Variants in ZFP69 observed in about 807,000 individuals in gnomAD.
ZFP69 encodes the protein zinc finger protein 69 homolog.
A neutral mutation model predicts 48.9 loss-of-function variants in ZFP69; 35 were observed. That is an observed-to-expected ratio of 0.72 (90% CI 0.55 to 0.95). The LOEUF is 0.95. ZFP69 is among the 40% of genes least tolerant of loss of function. The pLI is 0.00. For synonymous variants in ZFP69, 193 were observed against 216.8 expected (o/e 0.89, Z 0.96); for missense variants, 557 against 638.4 (o/e 0.87, Z 1.37).
In ZFP69 at chr1:40,495,605, C is replaced by G; in HGVS notation, c.1127C>G (p.Thr376Ser). 1 of 1,614,202 alleles carries G rather than the reference C, an allele frequency of 6.2e-7. No individual in the cohort carries two copies. Among genetic ancestry groups the G allele is most frequent in the South Asian group, 1.1e-5 (1 of 91,084 alleles). The change falls in exon 6 of 6, where the codon ACT (threonine) becomes AGT (serine). Residue 376 changes from threonine (T) to serine (S), a missense_variant. Transcript: ENST00000372706. The stretch of plus-strand genomic sequence containing the variant: ...ATTAGCTTGGTTCAACATTTGAGGA[C>G]TCATTCTGGAGAGAAACCTTTTACT... ...QNISLVQHLR[T>S]HSGEKPFTCN...
chr1:40,482,042 C>T (rs1347615754), intron 3 of ZFP69, among the ~76,000 whole-genome samples, 188 bp downstream of exon 3: 2 of 151,308 alleles, frequency 1.3e-5, no homozygotes, highest in African/African-American at 4.9e-5. Context: ...AATTCCCCTA[C>T]TTATAGGGGT....
At position 40,494,824 on chromosome 1, in the gene ZFP69, G is replaced by A. The variant is rs1038906876; in HGVS notation, c.443-97G>A. ...AGCAGCATAATCATATTTAAATATA[G>A]TCAAAATCTCATGCACTTATCCATA... On this transcript the variant is annotated intron_variant, in intron 5 of 5. Transcript: ENST00000372706. 5.5e-6 allele frequency: 6 copies of A among 1,082,210 alleles called. No homozygotes were observed. The African/African-American group carries it at 9.6e-5, about 17-fold the overall frequency. The allele number at this position is 1,082,210 out of a possible 1,614,324, so 67.0% of individuals were successfully genotyped here.
chr1:40,479,226 G>T lies in ZFP69; in HGVS notation c.-136G>T. 1 of 1,147,650 alleles carries T rather than the reference G, an allele frequency of 8.7e-7. No individual in the cohort carries two copies. Among genetic ancestry groups the T allele is most frequent in the Non-Finnish European group, 1.3e-6 (1 of 787,940 alleles). The allele number at this position is 1,147,650 out of a possible 1,614,324, so 71.1% of individuals were successfully genotyped here. A position where few individuals can be genotyped will look rare whatever the true frequency, so the allele number is the denominator to read the frequency against. ...AGTCTCTAGGAACCCCCAGGTCCTG[G>T]TGCTGCAGGGACACACCAGAGTCCT... On this transcript the variant is annotated 5_prime_UTR_variant, in exon 2 of 6. Coordinates refer to ENST00000372706, the MANE Select transcript of ZFP69 (RefSeq NM_001320179.2).
rs902993702 is a variant in ZFP69 at position 40,495,479 on chromosome 1, A to G, written c.1001A>G (p.Lys334Arg). Residue 334 changes from lysine to arginine, a missense_variant, in exon 6 of 6, where the codon AAA (lysine) becomes AGA (arginine). Lys to Arg is a conservative substitution (Grantham distance 26). Coordinates refer to ENST00000372706, the MANE Select transcript of ZFP69 (RefSeq NM_001320179.2). ...CCCTTTGAATGTGAGGAATGTGGGA[A>G]AGCCTTCAGACATCGCTCATCACTT... ...EKPFECEECGKAFRHRSSLNQ... is the reference protein window; with the variant it reads ...EKPFECEECGRAFRHRSSLNQ... 4 of 1,614,078 alleles carry G rather than the reference A, an allele frequency of 2.5e-6. No homozygotes were observed. In the African/African-American group the frequency reaches 4.0e-5, roughly 16 times the overall value.
chr1:40,487,690 G>T (rs1557547492), intron 3 of ZFP69, among the ~76,000 whole-genome samples: 1 of 152,160 alleles, frequency 6.6e-6, no homozygotes, highest in Non-Finnish European at 1.5e-5. Context: ...AAAATTCAGT[G>T]TGATGCTAAG....
rs765758813 is a variant in ZFP69, at chr1:40,479,348, G to C, written c.-14G>C. The C allele has an allele frequency of 4.3e-6, 7 of 1,613,074 alleles. No individual in the cohort carries two copies. The highest frequency in any genetic ancestry group is 1.7e-4 in the Middle Eastern group (1 of 5,902). On this transcript the variant is annotated 5_prime_UTR_variant, in exon 2 of 6. Transcript: ENST00000372706. ...TCCTCACCAGAAGTGGACAAGTCCA[G>C]TAAGGCAGGCATCATGCCACAGCAG...
chr1:40,494,882 C>T (rs764829248), intron 5 of ZFP69, 39 bp from the exon 6 acceptor site: 4 of 1,543,852 alleles, frequency 2.6e-6, no homozygotes, highest in African/African-American at 2.8e-5. Context: ...ATAACCACTA[C>T]AGTAATTGGT....
At chr1:40,493,986 A>C (rs904663645) in intron 5 of ZFP69, among the ~76,000 whole-genome samples, 9 of 152,152 alleles carry the variant, frequency 5.9e-5, no homozygotes, top group Non-Finnish European at 1.0e-4. Flanking sequence ...GAACATATTA[A>C]TAACTATAGA....
At position 40,496,066 on chromosome 1, in the gene ZFP69, A is replaced by G. The variant is rs75198900; in HGVS notation, c.*7A>G. The G allele has an allele frequency of 3.6e-3, 5,649 of 1,548,862 alleles. 203 individuals are homozygous for G. In the East Asian group the frequency reaches 0.095, roughly 26 times the overall value. ...CTTCCGAAATAAGGTGTAAAAACAG[A>G]TATTTGACTTGAGAACAAAAGCCAA... On this transcript the variant is annotated 3_prime_UTR_variant, in exon 6 of 6. Transcript: ENST00000372706.
chr1:40,480,625 T>C (rs908840132), intron 2 of ZFP69, among the ~76,000 whole-genome samples: 8 of 150,658 alleles, frequency 5.3e-5, no homozygotes, highest in African/African-American at 1.9e-4. Flanking sequence ...AGTGCAGCAA[T>C]ATACTTAGTT....
chr1:40,480,285 T>G (rs1010074402), intron 2 of ZFP69, among the ~76,000 whole-genome samples: 95 of 150,266 alleles, frequency 6.3e-4, no homozygotes, highest in Non-Finnish European at 1.3e-3. Context: ...TTTTTTTTGG[T>G]GATGGAGTCT....
chr1:40,494,038 AAGAC>A (rs1318052466), intron 5 of ZFP69, among the ~76,000 whole-genome samples: 1 of 152,148 alleles, frequency 6.6e-6, no homozygotes, highest in East Asian at 1.9e-4. Flanking sequence ...GTTTCAATAA[AAGAC>A]AGCATAATGT....
intron 3 of ZFP69, among the ~76,000 whole-genome samples, chr1:40,483,051 C>G (rs1645458272): frequency 6.6e-6 from 1 of 151,836 alleles, no homozygotes; most frequent in African/African-American, 2.4e-5. Context: ...AAATAGAGAT[C>G]TCATTTTTAA....
Position 40,496,175 on chromosome 1 carries a change from T to C in ZFP69, c.*116T>C. On this transcript the variant is annotated 3_prime_UTR_variant, in exon 6 of 6. Coordinates refer to ENST00000372706, the MANE Select transcript of ZFP69 (RefSeq NM_001320179.2). ...TGTAATGATGCCAACTTTTAATTTTTCCCATTGTAAATAAACATTACATTG... is the reference window on the plus strand; with the variant it reads ...TGTAATGATGCCAACTTTTAATTTTCCCCATTGTAAATAAACATTACATTG... 9.0e-7 allele frequency: 1 copy of C among 1,114,050 alleles called. No homozygotes were observed. The highest frequency in any genetic ancestry group is 1.3e-6 in the Non-Finnish European group (1 of 798,580). 69.0% of individuals were successfully genotyped at this position (1,114,050 alleles called of 1,614,324 possible). A position where few individuals can be genotyped will look rare whatever the true frequency, so the allele number is the denominator to read the frequency against.
chr1:40,484,033 C>T (rs1053682128), intron 3 of ZFP69, among the ~76,000 whole-genome samples: 5 of 152,044 alleles, frequency 3.3e-5, no homozygotes, highest in African/African-American at 7.2e-5. Flanking sequence ...CGAGATTGCG[C>T]CATTGCACTC....
At chr1:40,479,721 A>G (rs1645425854) in intron 2 of ZFP69, among the ~76,000 whole-genome samples, 1 of 152,212 alleles carries the variant, frequency 6.6e-6, no homozygotes, top group Non-Finnish European at 1.5e-5. Context: ...TACATGTAGC[A>G]GGAAGACAGA....
intron 1 of ZFP69, 21 bp from the exon 2 acceptor site, chr1:40,479,015 G>GT (rs1280785406): frequency 4.0e-6 from 1 of 250,492 alleles, no homozygotes; most frequent in Non-Finnish European, 7.9e-6. Context: ...GTATTTTGCA[G>GT]TTTTAAATAT....
rs1219889291 is a variant in ZFP69, at chr1:40,477,501, G to T, written c.-720G>T. The T allele has an allele frequency of 6.6e-6, 1 of 152,254 alleles. No homozygotes were observed. The highest frequency in any genetic ancestry group is 1.9e-4 in the East Asian group (1 of 5,184). 9.4% of individuals were successfully genotyped at this position (152,254 alleles called of 1,614,324 possible). A position where few individuals can be genotyped will look rare whatever the true frequency, so the allele number is the denominator to read the frequency against. On this transcript the variant is annotated 5_prime_UTR_variant, in exon 1 of 6. Transcript: ENST00000372706. The surrounding 1 kb of genome is among the most constrained non-coding windows in gnomAD (Gnocchi z 4.0). Reference sequence around the variant, plus strand: ...CAGCCGCCAGCCCCGTGTTAAAGCGGCAGCCAGGGAGGTGTATCCTCCCCG... The same window carrying T: ...CAGCCGCCAGCCCCGTGTTAAAGCGTCAGCCAGGGAGGTGTATCCTCCCCG...
chr1:40,482,620 GT>G (rs946296628), intron 3 of ZFP69, among the ~76,000 whole-genome samples: 1 of 150,626 alleles, frequency 6.6e-6, no homozygotes, highest in African/African-American at 2.4e-5. Context: ...TTTAGCTTTT[GT>G]TTTTTTTTGA....
Sources: gnomAD v4.1 joint callset for allele counts (sites outside exome capture counted in the v4.1 genomes callset) on GRCh38, gnomAD v4.1.1 for gene constraint, Gnocchi (gnomAD v3.1) non-coding constraint, MANE v1.5 for transcripts, NCBI Gene and HGNC (gene_info 2026-07-23, HGNC 2026-07-21) for gene names.